The following DLG2 variants were observed in gnomAD, a reference collection of about 807,000 sequenced individuals.
The protein encoded by DLG2 is disks large homolog 2.
A neutral mutation model predicts 132.5 loss-of-function variants in DLG2; 45 were observed. The observed-to-expected ratio is 0.34, with a 90% confidence interval of 0.27 to 0.44. The LOEUF is 0.44. DLG2 is among the 20% of genes least tolerant of loss of function. The pLI is 1.00. For missense variants in DLG2, 1,045 were observed against 1,196.9 expected, an observed-to-expected ratio of 0.87 and a Z score of 1.87; for synonymous variants, 424 against 419.6, an observed-to-expected ratio of 1.01 and a Z score of -0.13.
At position 83,514,967 on chromosome 11, in the gene DLG2, G is replaced by A. The variant is rs182048871; in HGVS notation, c.2193+17741C>T. Reference sequence around the variant, plus strand: ...AGGATTTTTGCATCGATGTTCATCAGGGATATTGGTCTAAAATTCTCTTTT... The same window carrying A: ...AGGATTTTTGCATCGATGTTCATCAAGGATATTGGTCTAAAATTCTCTTTT... On this transcript the variant is annotated intron_variant, in intron 21 of 27. Transcript: ENST00000376104. 3.0e-4 allele frequency among the ~76,000 whole-genome samples: 46 copies of A among 152,258 alleles called. No individual in the cohort carries two copies. In the East Asian group the frequency reaches 5.4e-3, roughly 18 times the overall value.
chr11:84,236,196 A>G (rs985381358), intron 8 of DLG2, among the ~76,000 whole-genome samples: 2 of 152,218 alleles, frequency 1.3e-5, no homozygotes, highest in Admixed American at 1.3e-4. Flanking sequence ...AGATAATTTC[A>G]CTATCAAAGC....
intron 7 of DLG2, among the ~76,000 whole-genome samples, chr11:84,415,264 C>A (rs1467029418): frequency 6.6e-6 from 1 of 152,128 alleles, no homozygotes; most frequent in African/African-American, 2.4e-5. Flanking sequence ...ATTGCATGCA[C>A]CTGCTAATTT....
intron 22 of DLG2, among the ~76,000 whole-genome samples, chr11:83,483,683 A>G (rs1178031112): frequency 6.6e-6 from 1 of 152,320 alleles, no homozygotes; most frequent in Non-Finnish European, 1.5e-5. Context: ...GAAAGTGTTT[A>G]GTGTTTTGGG....
At chr11:84,251,027 G>A (rs1349243690) in intron 8 of DLG2, among the ~76,000 whole-genome samples, 2 of 152,108 alleles carry the variant, frequency 1.3e-5, no homozygotes, top group African/African-American at 4.8e-5. Context: ...TTCATAATGG[G>A]CCCTTGTGTT....
intron 6 of DLG2, among the ~76,000 whole-genome samples, chr11:84,761,445 C>A (rs1390305689): frequency 6.6e-6 from 1 of 152,008 alleles, no homozygotes; most frequent in Non-Finnish European, 1.5e-5. Context: ...GAGGGTGTTG[C>A]CAAAGGAGAT....
chr11:84,807,066 T>G (rs2076077196), intron 6 of DLG2, among the ~76,000 whole-genome samples: 2 of 151,766 alleles, frequency 1.3e-5, no homozygotes, highest in African/African-American at 4.8e-5. Context: ...TAAAACGGGA[T>G]TGCAAAAATT....
chr11:83,491,396 T>C (rs1415619608), intron 21 of DLG2, among the ~76,000 whole-genome samples: 1 of 152,060 alleles, frequency 6.6e-6, no homozygotes, highest in Non-Finnish European at 1.5e-5. Flanking sequence ...TTTAGAGTTC[T>C]TTGCTTAGGA....
At chr11:83,486,240 A>AAAC (rs1191888007) in intron 21 of DLG2, 20 of 690,972 alleles carry the variant, frequency 2.9e-5, no homozygotes, top group Admixed American at 8.3e-5. Context: ...AAGCATATTT[A>AAAC]AACTCCAGTA....
chr11:85,539,838 T>C (rs1436153986), intron 3 of DLG2, among the ~76,000 whole-genome samples: 1 of 152,036 alleles, frequency 6.6e-6, no homozygotes, highest in Non-Finnish European at 1.5e-5. Context: ...TGAAGGAAAA[T>C]GGAAATGGTT....
At chr11:84,083,438 C>T (rs1274080812) in intron 10 of DLG2, among the ~76,000 whole-genome samples, 3 of 152,172 alleles carry the variant, frequency 2.0e-5, no homozygotes, top group East Asian at 3.8e-4. Context: ...CTACCAGTCA[C>T]AGTCTTATTG....
chr11:84,522,190 A>AG (rs967958511), intron 7 of DLG2, among the ~76,000 whole-genome samples: 5 of 152,040 alleles, frequency 3.3e-5, no homozygotes, highest in Admixed American at 6.6e-5. Context: ...ACAAAAAAAA[A>AG]AAAAGAAAAG....
intron 16 of DLG2, among the ~76,000 whole-genome samples, chr11:83,863,173 G>A (rs2061725435): frequency 6.6e-6 from 1 of 152,194 alleles, no homozygotes; most frequent in Non-Finnish European, 1.5e-5. Flanking sequence ...ACATATTTGA[G>A]CTAGCACATA....
intron 9 of DLG2, among the ~76,000 whole-genome samples, chr11:84,120,491 G>C (rs886337596): frequency 1.3e-5 from 2 of 152,144 alleles, no homozygotes; most frequent in African/African-American, 4.8e-5. Context: ...GGTTGTAGCA[G>C]TATCACTGCA....
intron 15 of DLG2, among the ~76,000 whole-genome samples, chr11:83,915,230 G>A (rs115061448): frequency 0.018 from 2,772 of 152,184 alleles, 91 homozygotes; most frequent in African/African-American, 0.063. Flanking sequence ...GTGGAGGGCT[G>A]GGGGCAGAAC....
At chr11:83,723,115 T>C (rs2089119357) in intron 18 of DLG2, among the ~76,000 whole-genome samples, 1 of 152,170 alleles carries the variant, frequency 6.6e-6, no homozygotes. Flanking sequence ...GGGTGGTGTC[T>C]CAAACCTGTA....
chr11:84,014,183 A>G (rs2095047827), intron 11 of DLG2, among the ~76,000 whole-genome samples: 1 of 152,142 alleles, frequency 6.6e-6, no homozygotes, highest in Admixed American at 6.5e-5. Context: ...AATTTGATTA[A>G]ATATTTTGTG....
At chr11:85,235,673 A>C (rs1230334675) in intron 4 of DLG2, among the ~76,000 whole-genome samples, 1 of 151,968 alleles carries the variant, frequency 6.6e-6, no homozygotes, top group Non-Finnish European at 1.5e-5. Flanking sequence ...AGTCAATATA[A>C]GTAAGTTGAC....
At chr11:84,496,312 T>C (rs896203110) in intron 7 of DLG2, among the ~76,000 whole-genome samples, 3 of 152,292 alleles carry the variant, frequency 2.0e-5, no homozygotes, top group East Asian at 1.9e-4. Flanking sequence ...GAGAAATGTG[T>C]TATCATATAG....
At chr11:85,536,397 C>T (rs1200209033) in intron 3 of DLG2, among the ~76,000 whole-genome samples, 1 of 152,168 alleles carries the variant, frequency 6.6e-6, no homozygotes, top group African/African-American at 2.4e-5. Flanking sequence ...CTCCTTTCTC[C>T]TCCTTTCCTC....
Sources: allele counts gnomAD v4.1 joint callset (sites outside exome capture counted in the v4.1 genomes callset), GRCh38; gene constraint gnomAD v4.1.1; transcripts MANE v1.5; gene names NCBI Gene and HGNC (gene_info 2026-07-23, HGNC 2026-07-21).